The following CHLSN variants were observed in gnomAD, a reference collection of about 807,000 sequenced individuals.
The protein encoded by CHLSN is protein cholesin.
chr7:992,596 T>G, the CHLSN span, among the ~76,000 whole-genome samples: 20 of 152,366 alleles, frequency 1.3e-4, no homozygotes, highest in Admixed American at 1.2e-3. Flanking sequence ...CTGGTTCAGA[T>G]GTCCTGAAGC....
chr7:1,111,169 A>C, the CHLSN span, among the ~76,000 whole-genome samples: 4 of 152,248 alleles, frequency 2.6e-5, no homozygotes, highest in South Asian at 2.1e-4. Flanking sequence ...ACTTTTGAGG[A>C]GGCGGCACCA....
chr7:1,020,004 C>T, the CHLSN span, among the ~76,000 whole-genome samples: 1 of 152,196 alleles, frequency 6.6e-6, no homozygotes, highest in Non-Finnish European at 1.5e-5. Context: ...CTCAGGAATC[C>T]CAGGGCAGAA....
At chr7:1,010,511 G>T in the CHLSN span, among the ~76,000 whole-genome samples, 1 of 152,200 alleles carries the variant, frequency 6.6e-6, no homozygotes, top group East Asian at 1.9e-4. Context: ...GGCTGAAGGT[G>T]TGCTGGTGTC....
chr7:1,084,771 G>C, the CHLSN span, among the ~76,000 whole-genome samples: 7 of 152,236 alleles, frequency 4.6e-5, no homozygotes, highest in African/African-American at 1.7e-4. Flanking sequence ...CACACAGCAC[G>C]TGGGGTGAGG....
At chr7:1,011,262 C>G in the CHLSN span, among the ~76,000 whole-genome samples, 1 of 129,228 alleles carries the variant, frequency 7.7e-6, no homozygotes, top group Non-Finnish European at 1.6e-5. Context: ...CCATACCCAA[C>G]ACACCCACAC....
the CHLSN span, chr7:986,649 G>C: frequency 1.2e-6 from 2 of 1,612,676 alleles, no homozygotes; most frequent in Non-Finnish European, 1.7e-6. Context: ...CCATGGCTCG[G>C]GGCCCTGCTC....
chr7:1,103,765 C>G, the CHLSN span, among the ~76,000 whole-genome samples: 1 of 152,230 alleles, frequency 6.6e-6, no homozygotes, highest in African/African-American at 2.4e-5. Flanking sequence ...GGCATCTCCC[C>G]AGCCCCTGAG....
chr7:993,560 A>T, the CHLSN span, among the ~76,000 whole-genome samples: 1 of 152,090 alleles, frequency 6.6e-6, no homozygotes, highest in African/African-American at 2.4e-5. Flanking sequence ...GGATCGCTTG[A>T]GCCCAGGAGT....
chr7:1,095,820 G>A, the CHLSN span, among the ~76,000 whole-genome samples: 3 of 152,372 alleles, frequency 2.0e-5, no homozygotes, highest in South Asian at 4.1e-4. Flanking sequence ...AACCCCTGGC[G>A]TCTAACTGGC....
the CHLSN span, chr7:1,092,890 G>T: frequency 1.3e-6 from 2 of 1,593,006 alleles, no homozygotes; most frequent in South Asian, 2.2e-5. Context: ...GCCAGGGTGT[G>T]ACTCGGGAGC....
the CHLSN span, chr7:985,346 T>C: frequency 9.0e-5 from 139 of 1,546,164 alleles, no homozygotes; most frequent in African/African-American, 1.8e-3. Context: ...CTCCCATCCT[T>C]GGGGTGGGGT....
At chr7:1,103,875 C>A in the CHLSN span, among the ~76,000 whole-genome samples, 123 of 152,344 alleles carry the variant, frequency 8.1e-4, 2 homozygotes, top group South Asian at 0.024. Context: ...GACCAGGCAG[C>A]GTGGAGAGCA....
chr7:1,075,457 G>C, the CHLSN span, among the ~76,000 whole-genome samples: 1 of 151,648 alleles, frequency 6.6e-6, no homozygotes, highest in Non-Finnish European at 1.5e-5. Flanking sequence ...TGGGGAGGCA[G>C]AGGTTGCAGT....
At chr7:1,106,488 C>T in the CHLSN span, among the ~76,000 whole-genome samples, 2 of 152,052 alleles carry the variant, frequency 1.3e-5, no homozygotes, top group Non-Finnish European at 1.5e-5. Context: ...CAGGCAGGGG[C>T]CAGACTCAGG....
chr7:1,028,511 C>CCTG, the CHLSN span: 1 of 985,174 alleles, frequency 1.0e-6, no homozygotes, highest in Non-Finnish European at 1.2e-6. Context: ...GGGGGTGGAC[C>CCTG]CTGCTGCAGC....
At chr7:996,680 G>A in the CHLSN span, among the ~76,000 whole-genome samples, 14 of 152,366 alleles carry the variant, frequency 9.2e-5, no homozygotes, top group African/African-American at 3.1e-4. Flanking sequence ...CGGTCACCAC[G>A]GCCTTCCCGG....
chr7:1,107,028 T>TGCCC, the CHLSN span, among the ~76,000 whole-genome samples: 1 of 152,118 alleles, frequency 6.6e-6, no homozygotes, highest in Non-Finnish European at 1.5e-5. Context: ...CCTCCTTGCC[T>TGCCC]GCCCGCCCAG....
the CHLSN span, among the ~76,000 whole-genome samples, chr7:1,034,437 T>C: frequency 1.3e-5 from 2 of 151,736 alleles, no homozygotes; most frequent in Admixed American, 6.6e-5. Context: ...AAAACGTATA[T>C]GGAAAAGCAA....
the CHLSN span, among the ~76,000 whole-genome samples, chr7:1,053,409 G>A: frequency 9.3e-3 from 1,412 of 152,306 alleles, 11 homozygotes; most frequent in East Asian, 0.028. Flanking sequence ...TGGGTTGGCT[G>A]TGAGGGTCGG....
Sources: allele counts gnomAD v4.1 joint callset (sites outside exome capture counted in the v4.1 genomes callset), GRCh38; gene constraint gnomAD v4.1.1; transcripts MANE v1.5; gene names NCBI Gene and HGNC (gene_info 2026-07-23, HGNC 2026-07-21).